NDFIP2: variants seen among roughly 807,000 people sequenced by gnomAD.
NDFIP2 encodes the protein NEDD4 family-interacting protein 2.
A neutral mutation model predicts 36.0 loss-of-function variants in NDFIP2; 19 were observed. The ratio of observed to expected loss-of-function variants is 0.53; its 90% CI spans 0.37 to 0.77. NDFIP2 has a LOEUF of 0.77. Among genes scored for constraint, NDFIP2 ranks in the 30% least tolerant of loss-of-function variants. The pLI is 0.00. For missense variants in NDFIP2, 446 were observed against 435.8 expected, an observed-to-expected ratio of 1.02 and a Z score of -0.21; for synonymous variants, 181 against 167.7, an observed-to-expected ratio of 1.08 and a Z score of -0.61.
intron 1 of NDFIP2, among the ~76,000 whole-genome samples, chr13:79,490,656 T>G (rs1445922225): frequency 6.6e-6 from 1 of 152,102 alleles, no homozygotes; most frequent in Non-Finnish European, 1.5e-5. Context: ...GGATTTGGCC[T>G]GCTTGCTCTA....
intron 2 of NDFIP2, among the ~76,000 whole-genome samples, chr13:79,530,393 A>G (rs1874969127): frequency 6.6e-6 from 1 of 152,230 alleles, no homozygotes; most frequent in African/African-American, 2.4e-5. Flanking sequence ...CTGGGATTAC[A>G]GGTGCCAGCT....
intron 1 of NDFIP2, among the ~76,000 whole-genome samples, chr13:79,483,501 G>GT (rs2079827289): frequency 6.6e-6 from 1 of 152,114 alleles, no homozygotes; most frequent in African/African-American, 2.4e-5. Context: ...CTTTAGCTCA[G>GT]TTTTTGGGAA....
chr13:79,543,445 GTTAAA>G (rs1393499018), intron 4 of NDFIP2, 108 bp from the exon 5 acceptor site: 3 of 1,369,412 alleles, frequency 2.2e-6, no homozygotes, highest in Non-Finnish European at 3.0e-6. Context: ...AATTGGCAGA[GTTAAA>G]AGAAAGGGAG....
chr13:79,528,269 T>G (rs1212578293), intron 2 of NDFIP2, among the ~76,000 whole-genome samples: 2 of 151,840 alleles, frequency 1.3e-5, no homozygotes, highest in African/African-American at 4.8e-5. Flanking sequence ...AAAAAAAGTT[T>G]AAAAAATTTA....
Position 79,533,438 on chromosome 13 carries a change from A to C in NDFIP2, c.603A>C (p.Ala201=). 1.9e-6 allele frequency: 3 copies of C among 1,601,192 alleles called. No homozygotes were observed. The highest frequency in any genetic ancestry group is 2.3e-5 in the South Asian group (2 of 87,870). Residue 201 remains alanine, a synonymous_variant, in exon 3 of 8, where the codon GCA becomes GCC. Coordinates refer to ENST00000218652, the MANE Select transcript of NDFIP2 (RefSeq NM_019080.3). ...KAKAAAMAAA[A]AETSQRIQEE... is the part of the protein sequence containing the mutation. ...AAGCTGCTGCAATGGCAGCTGCAGC[A>C]GCAGAAACATCTCAAAGAGTAAGAA...
chr13:79,545,124 T>A lies in NDFIP2; in HGVS notation c.840+1442T>A, dbSNP rs7328114. Among the ~76,000 whole-genome samples the A allele has an allele frequency of 9.9e-3, 1,513 of 152,284 alleles. 24 individuals carry two copies. Among genetic ancestry groups the A allele is most frequent in the African/African-American group, 0.035 (1,447 of 41,564 alleles). On this transcript the variant is annotated intron_variant, in intron 5 of 7. Transcript: ENST00000218652. Reference sequence around the variant, plus strand: ...TAGATAAGTCCAATGTTGATTATGATACTAATAGAATTAAGCACTATTATT... The same window carrying A: ...TAGATAAGTCCAATGTTGATTATGAAACTAATAGAATTAAGCACTATTATT...
intron 1 of NDFIP2, among the ~76,000 whole-genome samples, chr13:79,500,585 A>G (rs1342287064): frequency 6.6e-6 from 1 of 152,082 alleles, no homozygotes; most frequent in African/African-American, 2.4e-5. Flanking sequence ...ACTCTGCATC[A>G]TTTTGAAATG....
intron 1 of NDFIP2, among the ~76,000 whole-genome samples, chr13:79,517,150 T>C (rs1311954928): frequency 6.6e-6 from 1 of 152,190 alleles, no homozygotes; most frequent in Non-Finnish European, 1.5e-5. Context: ...ATACAACTTT[T>C]CACCACCCTG....
At chr13:79,515,869 C>T (rs201944136) in intron 1 of NDFIP2, among the ~76,000 whole-genome samples, 6 of 125,618 alleles carry the variant, frequency 4.8e-5, no homozygotes, top group African/African-American at 9.3e-5. Flanking sequence ...TTTTTTTTTT[C>T]CCCTAAATCA....
chr13:79,542,829 C>G (rs191495879), intron 4 of NDFIP2, among the ~76,000 whole-genome samples: 1 of 151,734 alleles, frequency 6.6e-6, no homozygotes, highest in Non-Finnish European at 1.5e-5. Context: ...CTGAGGAAAC[C>G]CATAAAGTAT....
chr13:79,553,931 C>G lies in NDFIP2; in HGVS notation c.*1418C>G, dbSNP rs904626469. On this transcript the variant is annotated 3_prime_UTR_variant, in exon 8 of 8. Coordinates refer to ENST00000218652, the MANE Select transcript of NDFIP2 (RefSeq NM_019080.3). ...TATATGGACCTTATAAAATTGATTT[C>G]TTATTTATTATTAGACATTACTACT... 1 of 151,638 alleles carries G rather than the reference C, an allele frequency of 6.6e-6. No homozygotes were observed. Among genetic ancestry groups the G allele is most frequent in the African/African-American group, 2.4e-5 (1 of 41,334 alleles). 9.4% of individuals were successfully genotyped at this position (151,638 alleles called of 1,614,324 possible). A position where few individuals can be genotyped will look rare whatever the true frequency, so the allele number is the denominator to read the frequency against.
intron 1 of NDFIP2, among the ~76,000 whole-genome samples, chr13:79,505,317 C>T (rs1157989588): frequency 6.6e-6 from 1 of 152,210 alleles, no homozygotes; most frequent in East Asian, 1.9e-4. Flanking sequence ...GGTGTGTTAT[C>T]CTTACTGTGG....
rs60240323 is a variant in NDFIP2, at chr13:79,520,711, G to C, written c.322-99G>C. ...AAAAATGCCATTTTCTTTGTGTTTG[G>C]CCAAAAAGCGATACTGTGTCTGAAA... On this transcript the variant is annotated intron_variant, in intron 1 of 7. Transcript: ENST00000218652. The C allele has an allele frequency of 5.7e-3, 6,450 of 1,130,432 alleles. 277 individuals are homozygous for C. The African/African-American group carries it at 0.091, about 16-fold the overall frequency. The allele number at this position is 1,130,432 out of a possible 1,614,324, so 70.0% of individuals were successfully genotyped here.
chr13:79,481,262 C>T lies in NDFIP2; in HGVS notation c.59C>T (p.Ala20Val). 6.5e-7 allele frequency: 1 copy of T among 1,536,300 alleles called. No individual in the cohort carries two copies. Among genetic ancestry groups the T allele is most frequent in the South Asian group, 1.2e-5 (1 of 83,924 alleles). The change falls in exon 1 of 8, where the codon GCG becomes GTG. Residue 20 changes from alanine to valine, a missense_variant. Physicochemically the swap from Ala to Val is moderately conservative, Grantham distance 64 (BLOSUM62 0). Around this residue, in one of 2 missense-constraint regions of NDFIP2, gnomAD observed 369 missense variants for 304.8 expected, o/e 1.21. Coordinates refer to ENST00000218652, the MANE Select transcript of NDFIP2 (RefSeq NM_019080.3). ...AGCGGTCCGAGCATGCTCAATAGCG[C>T]GCGCGGCGCCCCGGAGCTTCTCCGC... Reference protein sequence around the residue: ...CASGPSMLNSARGAPELLRGT... With the variant: ...CASGPSMLNSVRGAPELLRGT...
intron 1 of NDFIP2, among the ~76,000 whole-genome samples, chr13:79,508,194 G>A: frequency 6.6e-6 from 1 of 152,234 alleles, no homozygotes; most frequent in East Asian, 1.9e-4. Context: ...TACAAATATT[G>A]CTGCCTTGAA....
chr13:79,495,889 A>G (rs1427395303), intron 1 of NDFIP2, among the ~76,000 whole-genome samples: 1 of 151,862 alleles, frequency 6.6e-6, no homozygotes, highest in Non-Finnish European at 1.5e-5. Context: ...GAAAGTGTGA[A>G]GGTTAGGCAT....
intron 2 of NDFIP2, among the ~76,000 whole-genome samples, chr13:79,525,295 A>G (rs1874747679): frequency 6.6e-6 from 1 of 152,206 alleles, no homozygotes; most frequent in African/African-American, 2.4e-5. Flanking sequence ...AGCACTTATC[A>G]CACACTGTGG....
In NDFIP2 at chr13:79,539,697, T is replaced by A. The variant is rs1198944360; in HGVS notation, c.637T>A (p.Cys213Ser). 3 of 1,613,556 alleles carry A rather than the reference T, an allele frequency of 1.9e-6. No individual in the cohort carries two copies. The highest frequency in any genetic ancestry group is 2.2e-5 in the South Asian group (2 of 91,058). The change falls in exon 4 of 8, where the codon TGT becomes AGT. Residue 213 changes from cysteine (C) to serine (S), a missense_variant. Physicochemically the swap from Cys to Ser is moderately radical, Grantham distance 112 (BLOSUM62 -1). Coordinates refer to ENST00000218652, the MANE Select transcript of NDFIP2 (RefSeq NM_019080.3). ...ATATTTACAGATTCAGGAGGAAGAG[T>A]GTCCACCAAGAGATGACTTCAGTGA... ...ETSQRIQEEE[C>S]PPRDDFSDAD...
Position 79,548,318 on chromosome 13 carries a change from C to A in NDFIP2, c.841-10C>A. 6.5e-7 allele frequency: 1 copy of A among 1,548,564 alleles called. No individual in the cohort carries two copies. Among genetic ancestry groups the A allele is most frequent in the South Asian group, 1.2e-5 (1 of 83,706 alleles). ...TGAATTCGGTTAATATATTTATGTT[C>A]ACTCCATAGTTTTCTGATTATTTTA... On this transcript the variant is annotated splice_polypyrimidine_tract_variant and intron_variant, in intron 5 of 7. Coordinates refer to ENST00000218652, the MANE Select transcript of NDFIP2 (RefSeq NM_019080.3).
Sources: allele counts gnomAD v4.1 joint callset (sites outside exome capture counted in the v4.1 genomes callset), GRCh38; gene constraint gnomAD v4.1.1; regional missense constraint gnomAD v4.1.1; transcripts MANE v1.5; gene names NCBI Gene and HGNC (gene_info 2026-07-23, HGNC 2026-07-21).